AMOTL1: variants seen among roughly 807,000 people sequenced by gnomAD.
AMOTL1 encodes the protein angiomotin-like protein 1.
Under a neutral mutation model 102.9 loss-of-function variants are expected in AMOTL1, and 45 were observed. The observed-to-expected ratio is 0.44, with a 90% CI of 0.34 to 0.56. The LOEUF (loss-of-function observed/expected upper bound fraction) is 0.56. AMOTL1 is among the 20% of genes least tolerant of loss of function. AMOTL1 has a pLI of 0.01. For synonymous variants in AMOTL1, 481 were observed against 484.7 expected (o/e 0.99, Z 0.10); for missense variants, 1,114 against 1,225.6 (o/e 0.91, Z 1.36).
intron 2 of AMOTL1, among the ~76,000 whole-genome samples, chr11:94,731,664 C>T (rs555859164): frequency 1.1e-4 from 16 of 152,164 alleles, no homozygotes; most frequent in Non-Finnish European, 2.2e-4. Flanking sequence ...AATTAATTCT[C>T]ACAACAGCTT....
At chr11:94,851,396 A>T (rs963112051) in intron 7 of AMOTL1, among the ~76,000 whole-genome samples, 7 of 152,232 alleles carry the variant, frequency 4.6e-5, no homozygotes, top group Admixed American at 1.3e-4. Context: ...AACAACCAAT[A>T]TGGGTCTTTT....
intron 1 of AMOTL1, among the ~76,000 whole-genome samples, chr11:94,789,770 A>G (rs1479243964): frequency 6.6e-6 from 1 of 152,238 alleles, no homozygotes; most frequent in Non-Finnish European, 1.5e-5. Flanking sequence ...TGGCACACTC[A>G]GCAAATTCCT....
At chr11:94,849,162 G>A (rs997933673) in intron 6 of AMOTL1, among the ~76,000 whole-genome samples, 5 of 152,128 alleles carry the variant, frequency 3.3e-5, no homozygotes, top group African/African-American at 9.7e-5. Context: ...TCAACAAGGA[G>A]ACTTTTTTTC....
At position 94,860,187 on chromosome 11, in the gene AMOTL1, AATC is replaced by A. The variant is rs575983257; in HGVS notation, c.2135+473_2135+475del. ...CATGGGCCAAACTAGAAGAATAGATAATCCCCATAGCAGCCCTGAGGGCAGGTA... is the reference window on the plus strand; with the variant it reads ...CATGGGCCAAACTAGAAGAATAGATACCCATAGCAGCCCTGAGGGCAGGTA... On this transcript the variant is annotated intron_variant, in intron 9 of 12. Transcript: ENST00000433060. Among the ~76,000 whole-genome samples, 274 of 152,320 alleles carry A rather than the reference AATC, an allele frequency of 1.8e-3. 4 individuals are homozygous for A. Among genetic ancestry groups the A allele is most frequent in the African/African-American group, 6.4e-3 (266 of 41,572 alleles).
chr11:94,821,026 C>G (rs1330609655), intron 3 of AMOTL1, among the ~76,000 whole-genome samples: 1 of 152,182 alleles, frequency 6.6e-6, no homozygotes, highest in Non-Finnish European at 1.5e-5. Context: ...TTGGGGACCA[C>G]CGTGCTAGCT....
intron 1 of AMOTL1, among the ~76,000 whole-genome samples, 174 bp downstream of exon 1, chr11:94,768,734 A>G (rs1230086301): frequency 6.6e-6 from 1 of 151,884 alleles, no homozygotes; most frequent in Non-Finnish European, 1.5e-5. Context: ...GCCCCGCTCC[A>G]GGTCCAGTTG....
intron 3 of AMOTL1, chr11:94,741,053 G>T: frequency 1.6e-6 from 2 of 1,242,720 alleles, no homozygotes; most frequent in Non-Finnish European, 2.1e-6. Context: ...GCGAGTTTGG[G>T]GGGCGTCCAT....
intron 6 of AMOTL1, among the ~76,000 whole-genome samples, chr11:94,848,259 A>C (rs1288052263): frequency 6.6e-6 from 1 of 152,144 alleles, no homozygotes; most frequent in African/African-American, 2.4e-5. Context: ...CTGAGGTCTC[A>C]CATGCCCGTG....
rs1354477641 is a variant in AMOTL1, at chr11:94,814,304, A to G, written c.1122-7226A>G. Among the ~76,000 whole-genome samples the G allele has an allele frequency of 3.3e-5, 5 of 152,236 alleles. No homozygotes were observed. In the East Asian group the frequency reaches 7.7e-4, roughly 23 times the overall value. On this transcript the variant is annotated intron_variant, in intron 3 of 12. Coordinates refer to ENST00000433060, the MANE Select transcript of AMOTL1 (RefSeq NM_130847.3). ...TGCCAAGCTTAAGGGACAGGAAAGA[A>G]TGGGCTTTTTCAAAATGGGAAATTT...
chr11:94,718,791 A>G (rs1395909564), intron 1 of AMOTL1, among the ~76,000 whole-genome samples: 2 of 151,916 alleles, frequency 1.3e-5, no homozygotes, highest in Non-Finnish European at 2.9e-5. Flanking sequence ...CAATATGGAT[A>G]TTAATCTTTT....
At chr11:94,824,266 A>G (rs1377241133) in intron 4 of AMOTL1, among the ~76,000 whole-genome samples, 1 of 152,182 alleles carries the variant, frequency 6.6e-6, no homozygotes, top group East Asian at 1.9e-4. Context: ...TAATATCATC[A>G]ATAGGTTCTT....
chr11:94,787,687 C>CAAA (rs59563004), intron 1 of AMOTL1, among the ~76,000 whole-genome samples: 1 of 57,544 alleles, frequency 1.7e-5, no homozygotes, highest in African/African-American at 8.1e-5. Context: ...AACTCCGTCT[C>CAAA]AAAAAAAAAA....
Position 94,739,800 on chromosome 11 carries a change from A to G in AMOTL1, c.86-1138A>G, listed in dbSNP as rs540301657. On this transcript the variant is annotated intron_variant, in intron 2 of 4. Coordinates refer to the AMOTL1 transcript ENST00000299004. The stretch of plus-strand genomic sequence containing the variant: ...CTCGCCCCCTTAATGCAGAGCAGTC[A>G]CAGTCAGTCCTGGGGGCTGGGGGGA... Among the ~76,000 whole-genome samples, 472 of 152,304 alleles carry G rather than the reference A, an allele frequency of 3.1e-3. 2 individuals carry two copies. Among genetic ancestry groups the G allele is most frequent in the Middle Eastern group, 6.8e-3 (2 of 294 alleles).
intron 1 of AMOTL1, among the ~76,000 whole-genome samples, chr11:94,787,775 TA>T (rs777149338): frequency 6.8e-5 from 10 of 146,992 alleles, no homozygotes; most frequent in Non-Finnish European, 1.5e-4. Context: ...AACAATTGCT[TA>T]AAAAAATAAG....
intron 4 of AMOTL1, among the ~76,000 whole-genome samples, chr11:94,826,937 T>G (rs942431530): frequency 2.6e-5 from 4 of 152,178 alleles, no homozygotes; most frequent in African/African-American, 9.7e-5. Context: ...GTCTTGATTG[T>G]TTTAGGATTT....
chr11:94,870,669 G>A lies in AMOTL1; in HGVS notation c.2765-20G>A. The A allele has an allele frequency of 2.5e-6, 4 of 1,571,308 alleles. No individual in the cohort carries two copies. The highest frequency in any genetic ancestry group is 3.5e-6 in the Non-Finnish European group (4 of 1,155,500). The stretch of plus-strand genomic sequence containing the variant: ...CCCTCCTGAGGAATGGGCAGCTGAT[G>A]TTTCCCCTCTATTTGGCAGAGAACT... On this transcript the variant is annotated intron_variant, in intron 12 of 12. Transcript: ENST00000433060.
At chr11:94,832,485 T>G (rs1052907805) in intron 6 of AMOTL1, among the ~76,000 whole-genome samples, 13 of 152,246 alleles carry the variant, frequency 8.5e-5, no homozygotes, top group Non-Finnish European at 1.3e-4. Flanking sequence ...GATTGATTAA[T>G]TATTGCATTC....
At chr11:94,856,996 G>C (rs1371245641) in intron 8 of AMOTL1, among the ~76,000 whole-genome samples, 1 of 152,148 alleles carries the variant, frequency 6.6e-6, no homozygotes, top group Non-Finnish European at 1.5e-5. Context: ...TTCCAGAAGG[G>C]CTGGTACGCT....
chr11:94,848,195 G>T (rs1035530523), intron 6 of AMOTL1, among the ~76,000 whole-genome samples: 14 of 152,186 alleles, frequency 9.2e-5, no homozygotes, highest in Non-Finnish European at 2.9e-5. Context: ...GACGGGCAGC[G>T]CTAGTGGGCT....
Sources: gnomAD v4.1 joint callset for allele counts (sites outside exome capture counted in the v4.1 genomes callset) on GRCh38, gnomAD v4.1.1 for gene constraint, MANE v1.5 for transcripts, NCBI Gene and HGNC (gene_info 2026-07-23, HGNC 2026-07-21) for gene names.